The following MAPK10 variants were observed in gnomAD, a reference collection of about 807,000 sequenced individuals.
The protein encoded by MAPK10 is mitogen-activated protein kinase 10.
A neutral mutation model predicts 59.3 loss-of-function variants in MAPK10; 25 were observed. The observed-to-expected ratio is 0.42, with a 90% CI of 0.31 to 0.59. The LOEUF is 0.59. Among genes scored for constraint, MAPK10 ranks in the 20% least tolerant of loss-of-function variants. The probability of loss-of-function intolerance (pLI) is 0.15; values close to 1 mark genes in which losing one functional copy is unlikely to be tolerated. For missense variants in MAPK10, 351 were observed against 568.9 expected, an observed-to-expected ratio of 0.62 and a Z score of 3.90; for synonymous variants, 190 against 200.5, an observed-to-expected ratio of 0.95 and a Z score of 0.44.
chr4:86,157,546 T>C (rs2068190992), intron 4 of MAPK10, among the ~76,000 whole-genome samples: 1 of 151,972 alleles, frequency 6.6e-6, no homozygotes, highest in Admixed American at 6.6e-5. Context: ...TATTATGTAC[T>C]CTGACAGTTG....
At chr4:86,133,371 T>G (rs2061354240) in intron 4 of MAPK10, among the ~76,000 whole-genome samples, 1 of 152,264 alleles carries the variant, frequency 6.6e-6, no homozygotes. Context: ...TTGTGATTTG[T>G]TGTAATGTAT....
chr4:86,140,470 G>A (rs2063380881), intron 4 of MAPK10, among the ~76,000 whole-genome samples: 1 of 142,514 alleles, frequency 7.0e-6, no homozygotes, highest in Non-Finnish European at 1.5e-5. Context: ...ACTCATGGGT[G>A]GGAATTGAAC....
chr4:86,340,614 G>A (rs949671445), intron 2 of MAPK10, among the ~76,000 whole-genome samples: 2 of 151,924 alleles, frequency 1.3e-5, no homozygotes, highest in Non-Finnish European at 2.9e-5. Flanking sequence ...GATTTGGGTG[G>A]GGACACAGAG....
chr4:86,565,109 T>C (rs1760967476), intron 1 of MAPK10, among the ~76,000 whole-genome samples: 1 of 152,182 alleles, frequency 6.6e-6, no homozygotes, highest in Admixed American at 6.5e-5. Context: ...TGTGAGGTGC[T>C]GGGGAGAGGG....
chr4:86,125,724 C>A (rs908563773), intron 4 of MAPK10: 5 of 152,074 alleles, frequency 3.3e-5, no homozygotes, highest in African/African-American at 1.2e-4. Flanking sequence ...ATCTACATGG[C>A]AACTTGGATG....
intron 2 of MAPK10, among the ~76,000 whole-genome samples, chr4:86,348,974 CATTTT>C (rs1228610872): frequency 6.6e-6 from 1 of 152,142 alleles, no homozygotes; most frequent in Non-Finnish European, 1.5e-5. Context: ...GGACTCATTT[CATTTT>C]ATGAAAGTCA....
chr4:86,368,405 T>A (rs1402958352), intron 1 of MAPK10, among the ~76,000 whole-genome samples: 1 of 152,244 alleles, frequency 6.6e-6, no homozygotes, highest in Non-Finnish European at 1.5e-5. Context: ...GTTCATTCTT[T>A]GCGTTGTGCA....
At chr4:86,075,216 A>T (rs1465320242) in intron 9 of MAPK10, among the ~76,000 whole-genome samples, 2 of 152,072 alleles carry the variant, frequency 1.3e-5, no homozygotes, top group African/African-American at 4.8e-5. Context: ...TTCCTCACAT[A>T]GTTCTCGAGC....
intron 1 of MAPK10, among the ~76,000 whole-genome samples, chr4:86,401,667 T>C (rs1743746294): frequency 6.6e-6 from 1 of 152,212 alleles, no homozygotes; most frequent in South Asian, 2.1e-4. Context: ...TATGTCTATT[T>C]TATGTGTTTT....
chr4:86,582,495 G>A (rs757056525), intron 1 of MAPK10, among the ~76,000 whole-genome samples: 3 of 152,138 alleles, frequency 2.0e-5, no homozygotes, highest in Non-Finnish European at 4.4e-5. Flanking sequence ...CTTTATTCAT[G>A]ATCATATCAA....
intron 1 of MAPK10, among the ~76,000 whole-genome samples, chr4:86,560,396 G>A (rs1760585368): frequency 6.6e-6 from 1 of 152,192 alleles, no homozygotes; most frequent in Non-Finnish European, 1.5e-5. Flanking sequence ...ATTTGCCTTA[G>A]AAGACAGTTT....
rs1012775072 is a variant in MAPK10, at chr4:86,199,323, T to C, written c.-6-4916A>G. On this transcript the variant is annotated intron_variant, in intron 2 of 13. Coordinates refer to ENST00000641462, the MANE Select transcript of MAPK10 (RefSeq NM_138982.4). ...ATAGAAAGAACAATGAATAAATAAA[T>C]TGTGGTATTTTCCTTTAGTGGAATA... is the stretch of plus-strand genomic sequence containing the variant. Among the ~76,000 whole-genome samples, 4 of 152,078 alleles carry C rather than the reference T, an allele frequency of 2.6e-5. No individual in the cohort carries two copies. The South Asian group carries it at 6.2e-4, about 24-fold the overall frequency.
intron 1 of MAPK10, among the ~76,000 whole-genome samples, chr4:86,577,582 G>A (rs141568958): frequency 1.6e-3 from 238 of 152,264 alleles, no homozygotes; most frequent in African/African-American, 5.7e-3. Context: ...TTGTTGAGAG[G>A]AGATTTATGT....
intron 2 of MAPK10, among the ~76,000 whole-genome samples, chr4:86,351,865 C>A (rs2148963655): frequency 6.6e-6 from 1 of 152,226 alleles, no homozygotes; most frequent in African/African-American, 2.4e-5. Flanking sequence ...TGTTAGTTAT[C>A]ATTTTGAAAG....
At chr4:86,516,607 T>C (rs1756683720) in intron 1 of MAPK10, among the ~76,000 whole-genome samples, 1 of 151,770 alleles carries the variant, frequency 6.6e-6, no homozygotes, top group Non-Finnish European at 1.5e-5. Context: ...CCTCTTTTGT[T>C]AGGTATATTC....
chr4:86,259,942 T>C (rs1039586067), intron 2 of MAPK10, among the ~76,000 whole-genome samples: 6 of 152,062 alleles, frequency 3.9e-5, no homozygotes, highest in Non-Finnish European at 7.4e-5. Flanking sequence ...ATATTACATA[T>C]ACAATGGAGT....
chr4:86,450,771 A>G (rs1480698659), intron 1 of MAPK10, among the ~76,000 whole-genome samples: 1 of 152,248 alleles, frequency 6.6e-6, no homozygotes, highest in Non-Finnish European at 1.5e-5. Flanking sequence ...TCAGTCATAA[A>G]GCAAACTGTT....
At chr4:86,076,179 TC>T (rs2049372174) in intron 9 of MAPK10, among the ~76,000 whole-genome samples, 2 of 152,188 alleles carry the variant, frequency 1.3e-5, no homozygotes, top group Admixed American at 1.3e-4. Flanking sequence ...GTCACCCGTT[TC>T]TTTGACTCGG....
chr4:86,535,548 A>G (rs1477334205), intron 1 of MAPK10, among the ~76,000 whole-genome samples: 1 of 152,178 alleles, frequency 6.6e-6, no homozygotes. Context: ...TTTTAGAAAC[A>G]GTGTCTTGCT....
Sources: allele counts gnomAD v4.1 joint callset (sites outside exome capture counted in the v4.1 genomes callset), GRCh38; gene constraint gnomAD v4.1.1; transcripts MANE v1.5; gene names NCBI Gene and HGNC (gene_info 2026-07-23, HGNC 2026-07-21).